Variants in RTTN observed in about 807,000 individuals in gnomAD.
The protein encoded by RTTN is rotatin.
A neutral mutation model predicts 269.2 loss-of-function variants in RTTN; 182 were observed. That is an observed-to-expected ratio of 0.68 (90% confidence interval 0.60 to 0.76). The LOEUF (loss-of-function observed/expected upper bound fraction) is 0.76, where lower values mean the gene tolerates loss of function less well. Ranked by LOEUF, RTTN falls within the 30% of genes least tolerant of loss-of-function variation. The pLI is 0.00. For synonymous variants in RTTN, 1,006 were observed against 963.5 expected (o/e 1.04, Z -0.82); for missense variants, 2,545 against 2,608.6 (o/e 0.98, Z 0.53).
intron 14 of RTTN, among the ~76,000 whole-genome samples, chr18:70,164,352 C>A (rs752936869): frequency 1.3e-5 from 2 of 151,724 alleles, no homozygotes; most frequent in Non-Finnish European, 1.5e-5. Context: ...GCTGGGACTA[C>A]AGGCACATGC....
chr18:70,114,408 A>C, intron 27 of RTTN, 37 bp downstream of exon 27: 1 of 1,585,018 alleles, frequency 6.3e-7, no homozygotes, highest in Non-Finnish European at 8.6e-7. Context: ...TGGGTTCTAT[A>C]TAAATGCACC....
At chr18:70,129,789 C>T (rs903976315) in intron 23 of RTTN, 1 of 151,868 alleles carries the variant, frequency 6.6e-6, no homozygotes, top group Admixed American at 6.6e-5. Context: ...TCATATCAAG[C>T]TAAAAAGCTT....
At chr18:70,149,930 A>G (rs371476004) in intron 16 of RTTN, 41 bp downstream of exon 16, 3 of 1,337,802 alleles carry the variant, frequency 2.2e-6, no homozygotes, top group Non-Finnish European at 1.1e-6. Flanking sequence ...ACACCCAGCC[A>G]AAGATAAATG....
At chr18:70,191,225 A>G (rs138306720) in intron 8 of RTTN, among the ~76,000 whole-genome samples, 25 of 152,240 alleles carry the variant, frequency 1.6e-4, no homozygotes, top group Admixed American at 5.2e-4. Context: ...ATTGTAAATG[A>G]AGCCAAAAAT....
At chr18:70,071,732 C>T (rs1466868831) in intron 34 of RTTN, among the ~76,000 whole-genome samples, 1 of 152,120 alleles carries the variant, frequency 6.6e-6, no homozygotes, top group African/African-American at 2.4e-5. Flanking sequence ...AACTAATACA[C>T]ATTAGGTAAC....
At chr18:70,203,993 G>T in intron 3 of RTTN, 93 bp downstream of exon 3, 1 of 994,800 alleles carries the variant, frequency 1.0e-6, no homozygotes, top group African/African-American at 1.6e-5. Context: ...GGGGAGGTGG[G>T]AGAAATCCTT....
chr18:70,008,489 A>T (rs1245820167), intron 46 of RTTN: 1 of 152,118 alleles, frequency 6.6e-6, no homozygotes, highest in Non-Finnish European at 1.5e-5. Context: ...AACCCAATGC[A>T]AGGAAGCTAA....
At chr18:70,030,387 A>G (rs1176860178) in intron 41 of RTTN, among the ~76,000 whole-genome samples, 1 of 152,212 alleles carries the variant, frequency 6.6e-6, no homozygotes, top group African/African-American at 2.4e-5. Flanking sequence ...CACAATTGAT[A>G]TTAATGGACT....
chr18:70,054,054 T>G lies in RTTN; in HGVS notation c.5185+77A>C, dbSNP rs2057746977. 3 of 1,223,918 alleles carry G rather than the reference T, an allele frequency of 2.5e-6. No individual in the cohort carries two copies. In the South Asian group the frequency reaches 4.4e-5, roughly 18 times the overall value. The allele number at this position is 1,223,918 out of a possible 1,614,324, so 75.8% of individuals were successfully genotyped here. A position where few individuals can be genotyped will look rare whatever the true frequency, so the allele number is the denominator to read the frequency against. Reference sequence around the variant, plus strand: ...AGAAACTCAAAAAGTAACCTTCAAGTGAATATCTGAAACAGAGTAAGTTTT... The same window carrying G: ...AGAAACTCAAAAAGTAACCTTCAAGGGAATATCTGAAACAGAGTAAGTTTT... On this transcript the variant is annotated intron_variant, in intron 38 of 48. Transcript: ENST00000640769.
At chr18:70,058,724 T>A (rs1244418372) in intron 36 of RTTN, among the ~76,000 whole-genome samples, 1 of 152,118 alleles carries the variant, frequency 6.6e-6, no homozygotes, top group Non-Finnish European at 1.5e-5. Flanking sequence ...ATTTTGGTCA[T>A]CTTCAGGCAG....
At chr18:70,121,889 G>A (rs2059747081) in intron 25 of RTTN, among the ~76,000 whole-genome samples, 189 bp from the exon 26 acceptor site, 1 of 152,148 alleles carries the variant, frequency 6.6e-6, no homozygotes, top group African/African-American at 2.4e-5. Context: ...TGAGCTTATA[G>A]TGGAAAAAAC....
At chr18:70,044,583 T>C (rs1046115845) in intron 40 of RTTN, among the ~76,000 whole-genome samples, 7 of 152,204 alleles carry the variant, frequency 4.6e-5, no homozygotes, top group Admixed American at 3.9e-4. Flanking sequence ...TAAAGTTTAA[T>C]TATAAATTAG....
In RTTN at chr18:70,075,383, A is replaced by C; in HGVS notation, c.4533T>G (p.Phe1511Leu). 1 of 1,590,948 alleles carries C rather than the reference A, an allele frequency of 6.3e-7. No homozygotes were observed. Among genetic ancestry groups the C allele is most frequent in the Non-Finnish European group, 8.5e-7 (1 of 1,171,678 alleles). The change falls in exon 33 of 49, where the codon TTT (phenylalanine) becomes TTG (leucine). Residue 1511 changes from phenylalanine (F) to leucine (L), a missense_variant. Physicochemically the swap from Phe to Leu is conservative, Grantham distance 22. Transcript: ENST00000640769. ...RCMFDLNFSA[F>L]DRNSESNDLN... Reference sequence around the variant, plus strand: ...AATCATTGCTTTCTGAATTTCTATCAAAAGCAGAAAAATTCAAATCAAACA... The same window carrying C: ...AATCATTGCTTTCTGAATTTCTATCCAAAGCAGAAAAATTCAAATCAAACA...
In RTTN at chr18:70,017,686, T is replaced by C. The variant is rs764188218; in HGVS notation, c.6154-12A>G. ...TGTAAGAAGTTACTCTGTGGATAAA[T>C]AGAGAGAATATTATTTTCTTCTCAT... is the stretch of plus-strand genomic sequence containing the variant. On this transcript the variant is annotated splice_polypyrimidine_tract_variant and intron_variant, in intron 45 of 48. Coordinates refer to ENST00000640769, the MANE Select transcript of RTTN (RefSeq NM_173630.4). 12 of 1,591,662 alleles carry C rather than the reference T, an allele frequency of 7.5e-6. No homozygotes were observed. In the East Asian group the frequency reaches 1.8e-4, roughly 24 times the overall value.
intron 26 of RTTN, among the ~76,000 whole-genome samples, chr18:70,121,072 T>A (rs930064160): frequency 5.3e-5 from 8 of 151,602 alleles, no homozygotes; most frequent in Admixed American, 3.9e-4. Flanking sequence ...AAAAAAAAAA[T>A]TTAGAATTTT....
At chr18:70,075,632 G>A (rs372565529) in intron 32 of RTTN, 91 bp from the exon 33 acceptor site, 12 of 1,016,372 alleles carry the variant, frequency 1.2e-5, no homozygotes, top group African/African-American at 1.0e-4. Flanking sequence ...GGAAACAAAT[G>A]GGTCCCAGAT....
At position 70,030,860 on chromosome 18, in the gene RTTN, G is replaced by A. The variant is rs114315958; in HGVS notation, c.5647+16C>T. 1.0e-3 allele frequency: 1,613 copies of A among 1,570,784 alleles called. 15 individuals carry two copies. In the African/African-American group the frequency reaches 0.018, roughly 18 times the overall value. ...TGATAATGCCATCAAAACAGCTGATGTGTCATGTGGCTCACCTTTCAAAGC... is the reference window on the plus strand; with the variant it reads ...TGATAATGCCATCAAAACAGCTGATATGTCATGTGGCTCACCTTTCAAAGC... On this transcript the variant is annotated intron_variant, in intron 41 of 48. Transcript: ENST00000640769.
At chr18:70,071,414 A>G (rs952895076) in intron 34 of RTTN, among the ~76,000 whole-genome samples, 1 of 152,212 alleles carries the variant, frequency 6.6e-6, no homozygotes, top group African/African-American at 2.4e-5. Flanking sequence ...ATACAGACAT[A>G]GTTCTGCTCA....
intron 32 of RTTN, among the ~76,000 whole-genome samples, chr18:70,085,627 T>TC (rs2145176134): frequency 6.6e-6 from 1 of 152,192 alleles, no homozygotes; most frequent in East Asian, 1.9e-4. Context: ...ACATCTTATA[T>TC]CCCCAATAAG....
Sources: gnomAD v4.1 joint callset for allele counts (sites outside exome capture counted in the v4.1 genomes callset) on GRCh38, gnomAD v4.1.1 for gene constraint, MANE v1.5 for transcripts, NCBI Gene and HGNC (gene_info 2026-07-23, HGNC 2026-07-21) for gene names.